RNF19B: variants seen among roughly 807,000 people sequenced by gnomAD.
The protein encoded by RNF19B is ring finger protein 19B.
A neutral mutation model predicts 65.5 loss-of-function variants in RNF19B; 23 were observed. The ratio of observed to expected loss-of-function variants is 0.35; its 90% CI spans 0.25 to 0.50. The LOEUF is 0.50. Among genes scored for constraint, RNF19B ranks in the 20% least tolerant of loss-of-function variants. The pLI is 0.98. For missense variants in RNF19B, 794 were observed against 980.0 expected (o/e 0.81, Z 2.53); for synonymous variants, 372 against 379.6 (o/e 0.98, Z 0.23).
intron 1 of RNF19B, among the ~76,000 whole-genome samples, chr1:32,955,194 C>A (rs181251570): frequency 9.9e-5 from 15 of 152,036 alleles, no homozygotes; most frequent in Admixed American, 9.9e-4. Context: ...GCTCAAAATA[C>A]CTGTGTTGCA....
intron 1 of RNF19B, among the ~76,000 whole-genome samples, chr1:32,952,962 A>ATTT (rs71278768): frequency 2.2e-4 from 26 of 120,022 alleles, no homozygotes; most frequent in African/African-American, 4.5e-4. Context: ...TAATCACACA[A>ATTT]TTTTTTTTTT....
chr1:32,950,555 CTTTTT>C (rs879739268), intron 1 of RNF19B, among the ~76,000 whole-genome samples: 1 of 145,540 alleles, frequency 6.9e-6, no homozygotes, highest in Admixed American at 6.9e-5. Context: ...TTAATTCCTT[CTTTTT>C]TTTTTTTGAG....
downstream of RNF19B, among the ~76,000 whole-genome samples, chr1:32,933,763 G>T (rs1642057539): frequency 6.6e-6 from 1 of 151,964 alleles, no homozygotes; most frequent in Non-Finnish European, 1.5e-5. Flanking sequence ...GAAAAAACAT[G>T]GGCCTTTACC....
chr1:32,932,852 A>G (rs1642043213), downstream of RNF19B, among the ~76,000 whole-genome samples: 2 of 152,154 alleles, frequency 1.3e-5, no homozygotes, highest in African/African-American at 4.8e-5. Context: ...CCTCTATACT[A>G]TGCTTTTTTG....
At chr1:32,938,761 C>A (rs1570078335) in intron 7 of RNF19B, among the ~76,000 whole-genome samples, 1 of 152,166 alleles carries the variant, frequency 6.6e-6, no homozygotes, top group African/African-American at 2.4e-5. Context: ...AGGTTTTCAT[C>A]ATCTCCTGCC....
At position 32,937,603 on chromosome 1, in the gene RNF19B, G is replaced by C. The variant is rs111297543; in HGVS notation, c.1743-344C>G. On this transcript the variant is annotated intron_variant, in intron 8 of 8. Transcript: ENST00000235150. ...ACGTGCCTGTAGTCCCAGCTACTCG[G>C]GAGGCTGAGATGGGAAGATCACTTG... Among the ~76,000 whole-genome samples, 1,386 of 152,090 alleles carry C rather than the reference G, an allele frequency of 9.1e-3. 18 individuals are homozygous for C. The highest frequency in any genetic ancestry group is 0.032 in the African/African-American group (1,321 of 41,478).
intron 3 of RNF19B, 93 bp from the exon 4 acceptor site, chr1:32,946,657 T>C: frequency 3.5e-6 from 4 of 1,133,442 alleles, no homozygotes; most frequent in Middle Eastern, 2.1e-4. Flanking sequence ...TTCTTTTCAG[T>C]AAGGATTAAC....
chr1:32,935,286 T>C (rs1251420186), downstream of RNF19B, among the ~76,000 whole-genome samples: 2 of 151,762 alleles, frequency 1.3e-5, no homozygotes, highest in African/African-American at 4.8e-5. Context: ...TACAGACACA[T>C]GCCACCAGGC....
rs1359428729 is a variant in RNF19B, at chr1:32,937,108, C to T, written c.1894G>A (p.Glu632Lys). ...CTTTGGTGTCTGCAGGGGGGATCCT[C>T]TTCACTGCCTCCGCCACCACTACCT... ...EEGSGGGGSEEDPPCRHQSCE... is the reference protein window; with the variant it reads ...EEGSGGGGSEKDPPCRHQSCE... Residue 632 changes from glutamate to lysine, a missense_variant, in exon 9 of 9, where the codon GAG becomes AAG. By Grantham distance (56) the Glu-to-Lys change is moderately conservative. Coordinates refer to ENST00000235150, the MANE Select transcript of RNF19B (RefSeq NM_001300826.2). The T allele has an allele frequency of 6.2e-7, 1 of 1,614,220 alleles. No homozygotes were observed. Among genetic ancestry groups the T allele is most frequent in the African/African-American group, 1.3e-5 (1 of 75,062 alleles).
chr1:32,956,471 G>A (rs1376394717), intron 1 of RNF19B, among the ~76,000 whole-genome samples: 1 of 152,146 alleles, frequency 6.6e-6, no homozygotes, highest in East Asian at 1.9e-4. Context: ...AGGAGGCTGA[G>A]GTGGGAGGAT....
chr1:32,963,424 T>C (rs576772818), intron 1 of RNF19B, among the ~76,000 whole-genome samples: 1 of 151,994 alleles, frequency 6.6e-6, no homozygotes, highest in South Asian at 2.1e-4. Flanking sequence ...TAAGAGATAC[T>C]CCCCACCTTG....
At chr1:32,956,313 G>A (rs1642637648) in intron 1 of RNF19B, among the ~76,000 whole-genome samples, 1 of 152,222 alleles carries the variant, frequency 6.6e-6, no homozygotes. Context: ...GGAGGCAGAG[G>A]TTGCTGTGAG....
At chr1:32,937,308 A>C in intron 8 of RNF19B, 49 bp from the exon 9 acceptor site, 3 of 1,610,144 alleles carry the variant, frequency 1.9e-6, no homozygotes, top group Admixed American at 1.7e-5. Context: ...ATCATGCTAA[A>C]CCTGTTGGTA....
chr1:32,958,703 G>C (rs1481292006), intron 1 of RNF19B, among the ~76,000 whole-genome samples: 1 of 150,572 alleles, frequency 6.6e-6, no homozygotes, highest in African/African-American at 2.5e-5. Flanking sequence ...CTGGGCAACA[G>C]AGCGAGACTC....
chr1:32,964,334 C>T lies in RNF19B; in HGVS notation c.352G>A (p.Glu118Lys), dbSNP rs1642848270. The part of the protein sequence containing the change: ...EGGGPGAEEV[E>K]CPLCLVRLPP... ...AGCCGCACCAGGCACAGCGGACACT[C>T]CACCTCCTCCGCGCCCGGGCCACCG... Residue 118 changes from glutamate (E) to lysine (K), a missense_variant, in exon 1 of 9, where the codon GAG becomes AAG. This residue lies in a region of RNF19B where 374 missense variants were observed against 423.8 expected (regional missense o/e 0.88). Coordinates refer to ENST00000235150, the MANE Select transcript of RNF19B (RefSeq NM_001300826.2). The surrounding 1 kb of genome is among the most constrained non-coding windows in gnomAD (Gnocchi z 6.5). The T allele has an allele frequency of 1.4e-6, 2 of 1,456,068 alleles. No individual in the cohort carries two copies. The highest frequency in any genetic ancestry group is 1.8e-6 in the Non-Finnish European group (2 of 1,108,982). 90.2% of individuals were successfully genotyped at this position (1,456,068 alleles called of 1,614,324 possible). A position where few individuals can be genotyped will look rare whatever the true frequency, so the allele number is the denominator to read the frequency against.
chr1:32,939,546 C>T (rs1424021428), intron 7 of RNF19B, among the ~76,000 whole-genome samples: 3 of 152,236 alleles, frequency 2.0e-5, no homozygotes, highest in African/African-American at 7.2e-5. Flanking sequence ...CTCATACACA[C>T]TTTACCTTCC....
In RNF19B at chr1:32,946,411, A is replaced by T. The variant is rs1260785022; in HGVS notation, c.1137T>A (p.Val379=). The T allele has an allele frequency of 6.2e-7, 1 of 1,613,926 alleles. No individual in the cohort carries two copies. Among genetic ancestry groups the T allele is most frequent in the Non-Finnish European group, 8.5e-7 (1 of 1,179,892 alleles). ...PAMVIGIPVY[V]GRKIHSRYEG... ...AGCATGTCTTTCTTACCTTCCTTCC[A>T]ACATAAACAGGAATGCCAATGACCA... Residue 379 remains valine, a synonymous_variant, in exon 4 of 9, where the codon GTT becomes GTA. Transcript: ENST00000235150.
At chr1:32,954,421 T>C (rs897346833) in intron 1 of RNF19B, among the ~76,000 whole-genome samples, 1 of 151,852 alleles carries the variant, frequency 6.6e-6, no homozygotes, top group Non-Finnish European at 1.5e-5. Context: ...CTCTGACTCA[T>C]GCTGCATGAC....
intron 4 of RNF19B, among the ~76,000 whole-genome samples, chr1:32,945,878 T>TAA (rs760404256): frequency 7.0e-6 from 1 of 143,200 alleles, no homozygotes; most frequent in African/African-American, 2.4e-5. Context: ...CCTTCTTCTT[T>TAA]TATTTTTTTT....
Sources: gnomAD v4.1 joint callset for allele counts (sites outside exome capture counted in the v4.1 genomes callset) on GRCh38, gnomAD v4.1.1 for gene constraint, gnomAD v4.1.1 regional missense constraint, Gnocchi (gnomAD v3.1) non-coding constraint, MANE v1.5 for transcripts, NCBI Gene and HGNC (gene_info 2026-07-23, HGNC 2026-07-21) for gene names.